The following VAC14 variants were observed in gnomAD, a reference collection of about 807,000 sequenced individuals.
VAC14 encodes VAC14 component of PIKFYVE complex.
In VAC14, 47 loss-of-function variants were observed where a neutral mutation model predicts 85.3. The ratio of observed to expected loss-of-function variants is 0.55; its 90% CI spans 0.44 to 0.70. VAC14 has a LOEUF of 0.70. Among genes scored for constraint, VAC14 ranks in the 30% least tolerant of loss-of-function variants. The pLI, the probability that VAC14 is intolerant of heterozygous loss-of-function variation, is 0.00. For synonymous variants in VAC14, 447 were observed against 430.5 expected, an observed-to-expected ratio of 1.04 and a Z score of -0.47; for missense variants, 861 against 1,004.3, an observed-to-expected ratio of 0.86 and a Z score of 1.93.
chr16:70,717,945 G>T (rs1426235343), intron 14 of VAC14, among the ~76,000 whole-genome samples: 1 of 152,166 alleles, frequency 6.6e-6, no homozygotes, highest in Non-Finnish European at 1.5e-5. Flanking sequence ...GAGCCACCGC[G>T]CCCGGCCTTG....
At chr16:70,782,361 C>G (rs1335651403) in intron 7 of VAC14, among the ~76,000 whole-genome samples, 2 of 152,256 alleles carry the variant, frequency 1.3e-5, no homozygotes, top group Non-Finnish European at 2.9e-5. Flanking sequence ...GTGGCTGGAT[C>G]AAGCCTAGGC....
Position 70,697,258 on chromosome 16 carries a change from C to T in VAC14, c.1837-1G>A. 4.3e-6 allele frequency: 7 copies of T among 1,613,028 alleles called. No homozygotes were observed. The highest frequency in any genetic ancestry group is 5.1e-6 in the Non-Finnish European group (6 of 1,179,306). On this transcript the variant is annotated splice_acceptor_variant, in intron 15 of 18. Coordinates refer to ENST00000261776, the MANE Select transcript of VAC14 (RefSeq NM_018052.5). LOFTEE classifies it high-confidence loss of function. ...GGCAGCAGAACAGGTTCTGGCTCTCCTGTGGGGGAACAGGCATGAGCCGTG... is the reference window on the plus strand; with the variant it reads ...GGCAGCAGAACAGGTTCTGGCTCTCTTGTGGGGGAACAGGCATGAGCCGTG...
intron 1 of VAC14, among the ~76,000 whole-genome samples, chr16:70,790,139 A>G (rs1216623324): frequency 3.3e-5 from 5 of 152,292 alleles, no homozygotes; most frequent in Admixed American, 3.3e-4. Flanking sequence ...AACAGAAAAA[A>G]CACTTGGTAA....
At chr16:70,718,566 TCC>T (rs2054216623) in intron 14 of VAC14, among the ~76,000 whole-genome samples, 1 of 147,508 alleles carries the variant, frequency 6.8e-6, no homozygotes, top group Non-Finnish European at 1.5e-5. Context: ...AGAATGAGAC[TCC>T]TTTTTAAAAA....
intron 14 of VAC14, among the ~76,000 whole-genome samples, chr16:70,724,879 T>C (rs987803991): frequency 2.0e-5 from 3 of 152,372 alleles, no homozygotes; most frequent in East Asian, 1.9e-4. Flanking sequence ...GCCCAATCGA[T>C]ACGGCTACGG....
In VAC14 at chr16:70,762,786, G is replaced by A; in HGVS notation, c.1305+95C>T. The A allele has an allele frequency of 6.3e-7, 1 of 1,581,894 alleles. No individual in the cohort carries two copies. ...TCTGCCGGCCAGGGTTTCCCTAGAA[G>A]GGCAATGACCAAAATGCTACCAACT... On this transcript the variant is annotated intron_variant, in intron 11 of 18. Transcript: ENST00000261776. The surrounding 1 kb of genome is among the most constrained non-coding windows in gnomAD (Gnocchi z 4.1).
Position 70,697,324 on chromosome 16 carries a change from G to A in VAC14, c.1837-67C>T. 5.1e-6 allele frequency: 7 copies of A among 1,380,048 alleles called. No individual in the cohort carries two copies. In the South Asian group the frequency reaches 6.2e-5, roughly 12 times the overall value. 85.5% of individuals were successfully genotyped at this position (1,380,048 alleles called of 1,614,324 possible). On this transcript the variant is annotated intron_variant, in intron 15 of 18. Transcript: ENST00000261776. The stretch of plus-strand genomic sequence containing the variant: ...CTTGCCCCTACCCGGTCCACGTGGG[G>A]ACCTGAGGGAAGGGCCACAGGTCTA...
chr16:70,763,532 G>A (rs1031279417), intron 10 of VAC14, among the ~76,000 whole-genome samples: 12 of 152,190 alleles, frequency 7.9e-5, no homozygotes, highest in Non-Finnish European at 1.5e-4. Flanking sequence ...GCCCTTCACC[G>A]GCCATCTGAA....
At chr16:70,761,408 G>C (rs1402096692) in intron 12 of VAC14, 1 of 198,712 alleles carries the variant, frequency 5.0e-6, no homozygotes. Flanking sequence ...GAGGAAAGTG[G>C]GCTGAGGCTC....
At chr16:70,790,624 C>T (rs573337710) in intron 1 of VAC14, among the ~76,000 whole-genome samples, 1 of 152,118 alleles carries the variant, frequency 6.6e-6, no homozygotes, top group Admixed American at 6.5e-5. Context: ...AGTAACAGGG[C>T]CTCCTGAGGG....
intron 15 of VAC14, 101 bp downstream of exon 15, chr16:70,698,536 C>G: frequency 6.9e-7 from 1 of 1,450,646 alleles, no homozygotes; most frequent in Non-Finnish European, 9.4e-7. Flanking sequence ...CCCGTCTTCT[C>G]CCTGAGAGCC....
chr16:70,765,501 C>T (rs1175953502), intron 10 of VAC14, among the ~76,000 whole-genome samples: 1 of 152,204 alleles, frequency 6.6e-6, no homozygotes, highest in African/African-American at 2.4e-5. Flanking sequence ...CCTTAAAAAG[C>T]CCTATGGCCT....
chr16:70,783,176 T>A lies in VAC14; in HGVS notation c.705-37A>T. 2.5e-6 allele frequency: 4 copies of A among 1,600,624 alleles called. No homozygotes were observed. In the Admixed American group the frequency reaches 6.7e-5, roughly 27 times the overall value. On this transcript the variant is annotated intron_variant, in intron 6 of 18. Coordinates refer to ENST00000261776, the MANE Select transcript of VAC14 (RefSeq NM_018052.5). ...AACAGGAAAGTGGAAACAGCGAGGG[T>A]CAGCCAGGGCTGGAGGAGCCTCAAA...
At position 70,777,698 on chromosome 16, in the gene VAC14, G is replaced by A. The variant is rs967610110; in HGVS notation, c.1096+3092C>T. On this transcript the variant is annotated intron_variant, in intron 9 of 18. Coordinates refer to ENST00000261776, the MANE Select transcript of VAC14 (RefSeq NM_018052.5). ...GGTTAGAGGAGGAGGGAGAAGATGCGGAGGTGGGGCAGGGGTGCAAATATG... is the reference window on the plus strand; with the variant it reads ...GGTTAGAGGAGGAGGGAGAAGATGCAGAGGTGGGGCAGGGGTGCAAATATG... Among the ~76,000 whole-genome samples the A allele has an allele frequency of 1.2e-3, 181 of 152,228 alleles. 1 individual carries two copies. The highest frequency in any genetic ancestry group is 4.2e-3 in the African/African-American group (173 of 41,452).
chr16:70,688,410 A>C (rs1244357822), intron 18 of VAC14: 2 of 1,023,706 alleles, frequency 2.0e-6, no homozygotes, highest in Non-Finnish European at 1.2e-6. Context: ...TTTGGGGTGA[A>C]AGCCAGGGCT....
chr16:70,723,413 A>G (rs1248274734), intron 14 of VAC14, among the ~76,000 whole-genome samples: 1 of 151,516 alleles, frequency 6.6e-6, no homozygotes, highest in East Asian at 1.9e-4. Context: ...GTGACTGGCT[A>G]TGAAGCCCAG....
chr16:70,704,334 C>A (rs1479607311), intron 14 of VAC14, among the ~76,000 whole-genome samples: 4 of 152,344 alleles, frequency 2.6e-5, no homozygotes, highest in Non-Finnish European at 1.5e-5. Flanking sequence ...TGGATGGGAG[C>A]CTGGAGCCTG....
chr16:70,776,370 A>G (rs866045745), intron 9 of VAC14, among the ~76,000 whole-genome samples: 1 of 152,158 alleles, frequency 6.6e-6, no homozygotes, highest in South Asian at 2.1e-4. Context: ...TCAGCCTCCC[A>G]AAGTATTGGG....
chr16:70,778,737 C>T (rs28431907), intron 9 of VAC14: 10 of 152,136 alleles, frequency 6.6e-5, no homozygotes, highest in South Asian at 2.1e-4. Context: ...ATCTTAACTA[C>T]GTATATATAT....
Sources: allele counts gnomAD v4.1 joint callset (sites outside exome capture counted in the v4.1 genomes callset), GRCh38; gene constraint gnomAD v4.1.1; non-coding constraint Gnocchi (gnomAD v3.1); transcripts MANE v1.5; gene names NCBI Gene and HGNC (gene_info 2026-07-23, HGNC 2026-07-21).